CAMTA1: variants seen among roughly 807,000 people sequenced by gnomAD.
CAMTA1 encodes calmodulin binding transcription activator 1.
A neutral mutation model predicts 170.9 loss-of-function variants in CAMTA1; 27 were observed. The ratio of observed to expected loss-of-function variants is 0.16; its 90% CI spans 0.12 to 0.22. The LOEUF is 0.22. Ranked by LOEUF, CAMTA1 falls within the 10% of genes least tolerant of loss-of-function variation. The pLI, the probability that CAMTA1 is intolerant of heterozygous loss-of-function variation, is 1.00. For missense variants in CAMTA1, 1,619 were observed against 2,217.2 expected (o/e 0.73, Z 5.42); for synonymous variants, 833 against 891.5 (o/e 0.93, Z 1.17).
intron 11 of CAMTA1, among the ~76,000 whole-genome samples, chr1:7,715,116 C>T (rs961982827): frequency 1.3e-5 from 2 of 152,030 alleles, no homozygotes; most frequent in African/African-American, 2.4e-5. Flanking sequence ...TTGTTAGCCA[C>T]CTCACACAGG....
At chr1:6,968,957 G>A (rs920895732) in intron 3 of CAMTA1, among the ~76,000 whole-genome samples, 3 of 152,154 alleles carry the variant, frequency 2.0e-5, no homozygotes, top group African/African-American at 2.4e-5. Context: ...GGGCGAGGGG[G>A]TGTCTGTCTC....
rs1213430368 is a variant in CAMTA1 at position 7,633,597 on chromosome 1, C to T, written c.511-6803C>T. Among the ~76,000 whole-genome samples the T allele has an allele frequency of 3.3e-5, 5 of 152,236 alleles. No homozygotes were observed. Among genetic ancestry groups the T allele is most frequent in the African/African-American group, 9.6e-5 (4 of 41,460 alleles). On this transcript the variant is annotated intron_variant, in intron 6 of 22. Coordinates refer to ENST00000303635, the MANE Select transcript of CAMTA1 (RefSeq NM_015215.4). The surrounding 1 kb of genome is among the most constrained non-coding windows in gnomAD (Gnocchi z 4.1). Reference sequence around the variant, plus strand: ...TCCGGAGAGGAGACAGCCACCCCTGCACCAGCTCCCCCAGCCAAGGCCAGG... The same window carrying T: ...TCCGGAGAGGAGACAGCCACCCCTGTACCAGCTCCCCCAGCCAAGGCCAGG...
At chr1:7,743,090 C>T (rs1022199100) in intron 16 of CAMTA1, among the ~76,000 whole-genome samples, 1 of 152,158 alleles carries the variant, frequency 6.6e-6, no homozygotes, top group Non-Finnish European at 1.5e-5. Flanking sequence ...TGAGCTCAGG[C>T]GATCCACCCG....
intron 1 of CAMTA1, among the ~76,000 whole-genome samples, chr1:6,795,667 CT>C (rs1557561778): frequency 1.3e-5 from 2 of 152,054 alleles, no homozygotes; most frequent in African/African-American, 4.8e-5. Flanking sequence ...ATGACTTTTT[CT>C]TTTATTTCCT....
chr1:7,603,427 C>T (rs1232067287), intron 6 of CAMTA1, among the ~76,000 whole-genome samples: 1 of 152,134 alleles, frequency 6.6e-6, no homozygotes, highest in Non-Finnish European at 1.5e-5. Context: ...ATCCCTTTAC[C>T]ATTATGTAAT....
intron 1 of CAMTA1, among the ~76,000 whole-genome samples, chr1:6,808,295 A>G (rs1390596694): frequency 6.6e-6 from 1 of 152,070 alleles, no homozygotes; most frequent in Non-Finnish European, 1.5e-5. Context: ...GGTGCTAATA[A>G]GGGCCACCTA....
chr1:6,984,018 T>G (rs1318381703), intron 3 of CAMTA1, among the ~76,000 whole-genome samples: 1 of 101,852 alleles, frequency 9.8e-6, no homozygotes, highest in Non-Finnish European at 2.1e-5. Context: ...GGATGGGTGG[T>G]TGGGCAGATG....
intron 5 of CAMTA1, among the ~76,000 whole-genome samples, chr1:7,356,781 G>T (rs545707015): frequency 5.9e-5 from 9 of 152,322 alleles, no homozygotes; most frequent in African/African-American, 2.2e-4. Flanking sequence ...TTTAAATCCT[G>T]CCTCTTCCAT....
intron 4 of CAMTA1, among the ~76,000 whole-genome samples, chr1:7,226,801 A>C (rs1661778810): frequency 6.6e-6 from 1 of 152,060 alleles, no homozygotes; most frequent in Admixed American, 6.5e-5. Flanking sequence ...CCTGTGATTC[A>C]TTTACCAAAG....
intron 3 of CAMTA1, among the ~76,000 whole-genome samples, chr1:6,913,170 G>A (rs1210283561): frequency 6.6e-6 from 1 of 152,312 alleles, no homozygotes; most frequent in Non-Finnish European, 1.5e-5. Context: ...GGAAGGGGTC[G>A]TATTTTAGAG....
At position 7,233,918 on chromosome 1, in the gene CAMTA1, G is replaced by A. The variant is rs1663316646; in HGVS notation, c.303-15573G>A. ...ACCCCTCTGCCCTGGTCTGGACCCA[G>A]CCTCTCTGTAGGATGCTGTCAGGTG... is the stretch of plus-strand genomic sequence containing the variant. On this transcript the variant is annotated intron_variant, in intron 4 of 22. Transcript: ENST00000303635. Among the ~76,000 whole-genome samples the A allele has an allele frequency of 4.6e-5, 7 of 152,146 alleles. No homozygotes were observed. In the South Asian group the frequency reaches 1.5e-3, roughly 32 times the overall value.
chr1:7,354,265 C>G (rs543984049), intron 5 of CAMTA1, among the ~76,000 whole-genome samples: 1 of 152,146 alleles, frequency 6.6e-6, no homozygotes, highest in East Asian at 1.9e-4. Context: ...TCTCCTGCCT[C>G]AGCCTCCCAA....
At chr1:7,140,316 A>G (rs1430890443) in intron 4 of CAMTA1, among the ~76,000 whole-genome samples, 1 of 152,192 alleles carries the variant, frequency 6.6e-6, no homozygotes, top group African/African-American at 2.4e-5. Flanking sequence ...ATAGATTAAC[A>G]TGGCAACTTT....
chr1:7,021,457 C>T (rs1025569800), intron 3 of CAMTA1, among the ~76,000 whole-genome samples: 4 of 152,364 alleles, frequency 2.6e-5, no homozygotes, highest in African/African-American at 9.6e-5. Context: ...CCCTCTGTCT[C>T]TCCAGGCTGA....
Position 7,755,659 on chromosome 1 carries a change from G to A in CAMTA1, c.4980G>A (p.Leu1660=), listed in dbSNP as rs1438681394. ...CRHSPLVDHR[L]YKRSERIEKG... ...AAAGCCCCCTGGTGGACCATAGGCTGTACAAAAGGGTGAGTTTAGCTGCCT... is the reference window on the plus strand; with the variant it reads ...AAAGCCCCCTGGTGGACCATAGGCTATACAAAAGGGTGAGTTTAGCTGCCT... The change falls in exon 22 of 23, where the codon CTG becomes CTA. Residue 1660 remains leucine (L), a synonymous_variant. Transcript: ENST00000303635. 1.2e-6 allele frequency: 2 copies of A among 1,613,676 alleles called. No homozygotes were observed. The highest frequency in any genetic ancestry group is 3.3e-5 in the Admixed American group (2 of 60,022).
chr1:7,124,241 T>C (rs1644804525), intron 4 of CAMTA1, among the ~76,000 whole-genome samples: 1 of 152,092 alleles, frequency 6.6e-6, no homozygotes, highest in Non-Finnish European at 1.5e-5. Context: ...CTTTTCCCTC[T>C]CCTGGGACGA....
intron 6 of CAMTA1, among the ~76,000 whole-genome samples, chr1:7,505,960 G>A (rs2094100691): frequency 6.6e-6 from 1 of 152,176 alleles, no homozygotes; most frequent in Non-Finnish European, 1.5e-5. Flanking sequence ...AGGCGGGCAG[G>A]TTTGGTGGGG....
intron 5 of CAMTA1, among the ~76,000 whole-genome samples, chr1:7,414,239 C>A (rs918226410): frequency 6.6e-6 from 1 of 152,164 alleles, no homozygotes; most frequent in African/African-American, 2.4e-5. Context: ...TGTATCTCTG[C>A]CAGGCTTTGG....
chr1:7,520,370 G>A (rs527561423), intron 6 of CAMTA1, among the ~76,000 whole-genome samples: 156 of 147,016 alleles, frequency 1.1e-3, no homozygotes, highest in African/African-American at 3.4e-3. Context: ...AGAGTTATTC[G>A]ATGTGTGGAC....
Sources: allele counts gnomAD v4.1 joint callset (sites outside exome capture counted in the v4.1 genomes callset), GRCh38; gene constraint gnomAD v4.1.1; non-coding constraint Gnocchi (gnomAD v3.1); transcripts MANE v1.5; gene names NCBI Gene and HGNC (gene_info 2026-07-23, HGNC 2026-07-21).